The following NUGGC variants were observed in gnomAD, a reference collection of about 807,000 sequenced individuals.
NUGGC encodes nuclear GTPase, germinal center associated.
A neutral mutation model predicts 92.6 loss-of-function variants in NUGGC; 58 were observed. The observed-to-expected ratio is 0.63, with a 90% CI of 0.51 to 0.78. The LOEUF is 0.78. NUGGC is among the 30% of genes least tolerant of loss of function. The pLI is 0.00. For missense variants in NUGGC, 925 were observed against 964.6 expected, an observed-to-expected ratio of 0.96 and a Z score of 0.54; for synonymous variants, 376 against 366.4, an observed-to-expected ratio of 1.03 and a Z score of -0.30.
chr8:28,039,758 CG>C (rs1241729164), intron 13 of NUGGC, among the ~76,000 whole-genome samples: 1 of 152,154 alleles, frequency 6.6e-6, no homozygotes, highest in African/African-American at 2.4e-5. Flanking sequence ...TCTCCCAGCA[CG>C]GGGGGACACC....
At chr8:28,077,942 T>C (rs1563234346) in intron 1 of NUGGC, among the ~76,000 whole-genome samples, 2 of 152,216 alleles carry the variant, frequency 1.3e-5, no homozygotes, top group African/African-American at 2.4e-5. Flanking sequence ...GAAGCAGCTG[T>C]GGTCACTGAA....
At position 28,068,182 on chromosome 8, in the gene NUGGC, AAGGG is replaced by A. The variant is rs545291099; in HGVS notation, c.480+30_480+33del. The A allele has an allele frequency of 5.5e-4, 710 of 1,293,068 alleles. 4 individuals are homozygous for A. The African/African-American group carries it at 9.6e-3, about 17-fold the overall frequency. 80.1% of individuals were successfully genotyped at this position (1,293,068 alleles called of 1,614,324 possible). A position where few individuals can be genotyped will look rare whatever the true frequency, so the allele number is the denominator to read the frequency against. ...GGAAGAAAGGAAGGAAAAAGGAAGG[AAGGG>A]AAGGAAGGAGGGAGGAAGGGAACAC... On this transcript the variant is annotated intron_variant, in intron 5 of 18. Transcript: ENST00000413272.
intron 6 of NUGGC, 42 bp from the exon 7 acceptor site, chr8:28,064,773 C>T: frequency 6.5e-7 from 1 of 1,544,854 alleles, no homozygotes; most frequent in Non-Finnish European, 8.9e-7. Flanking sequence ...GCCATGCACC[C>T]AGCTCTGTTC....
chr8:28,049,069 G>A (rs1250537457), intron 10 of NUGGC, among the ~76,000 whole-genome samples: 1 of 152,122 alleles, frequency 6.6e-6, no homozygotes, highest in African/African-American at 2.4e-5. Context: ...GAGGGAGGTA[G>A]AAAGCAGTGA....
intron 2 of NUGGC, among the ~76,000 whole-genome samples, chr8:28,072,200 C>T (rs146005662): frequency 9.1e-4 from 139 of 152,326 alleles, no homozygotes; most frequent in Middle Eastern, 3.4e-3. Context: ...TCGACCCTTC[C>T]CTCTCAGACA....
chr8:28,037,581 G>A lies in NUGGC; in HGVS notation c.1611+3470C>T, dbSNP rs116040508. On this transcript the variant is annotated intron_variant, in intron 13 of 18. Coordinates refer to ENST00000413272, the MANE Select transcript of NUGGC (RefSeq NM_001010906.2). ...GCCTCCCTAGTCCTTCTCTTCTGGA[G>A]AAAATGAACTCTACTCCTGCCTCCA... 5.8e-3 allele frequency among the ~76,000 whole-genome samples: 890 copies of A among 152,262 alleles called. 11 individuals are homozygous for A. Among genetic ancestry groups the A allele is most frequent in the African/African-American group, 0.018 (755 of 41,534 alleles).
chr8:28,054,554 T>C (rs1810085425), intron 10 of NUGGC, among the ~76,000 whole-genome samples: 1 of 152,004 alleles, frequency 6.6e-6, no homozygotes, highest in Non-Finnish European at 1.5e-5. Context: ...AGTGATAAAA[T>C]AGTAAAAATA....
intron 13 of NUGGC, among the ~76,000 whole-genome samples, chr8:28,035,094 G>C (rs1301676787): frequency 1.3e-5 from 2 of 152,162 alleles, no homozygotes; most frequent in Non-Finnish European, 2.9e-5. Flanking sequence ...TAAAGTCCTG[G>C]AGACGCTCGA....
chr8:28,030,107 G>A (rs1452735210), intron 16 of NUGGC, among the ~76,000 whole-genome samples: 1 of 152,192 alleles, frequency 6.6e-6, no homozygotes, highest in Non-Finnish European at 1.5e-5. Flanking sequence ...TCTGGACCAA[G>A]GGTAGACAGA....
At chr8:28,071,524 G>A (rs1305628391) in intron 2 of NUGGC, among the ~76,000 whole-genome samples, 2 of 152,180 alleles carry the variant, frequency 1.3e-5, no homozygotes, top group Non-Finnish European at 2.9e-5. Flanking sequence ...GGAGACATCA[G>A]CAGTTGCTTC....
intron 11 of NUGGC, among the ~76,000 whole-genome samples, chr8:28,046,569 A>G (rs1214597713): frequency 3.3e-5 from 5 of 152,192 alleles, no homozygotes; most frequent in African/African-American, 1.2e-4. Context: ...GTGAAGAAAG[A>G]GCCATGCCTT....
intron 10 of NUGGC, among the ~76,000 whole-genome samples, chr8:28,055,415 G>A (rs1007110541): frequency 6.6e-6 from 1 of 152,144 alleles, no homozygotes; most frequent in African/African-American, 2.4e-5. Flanking sequence ...AGACTCACCT[G>A]GGCCTACTCC....
At chr8:28,067,852 G>C (rs1810481308) in intron 5 of NUGGC, 108 bp from the exon 6 acceptor site, 1 of 800,880 alleles carries the variant, frequency 1.2e-6, no homozygotes, top group South Asian at 1.7e-5. Flanking sequence ...TGCATATTCA[G>C]AAAATCTAGG....
intron 5 of NUGGC, among the ~76,000 whole-genome samples, 192 bp downstream of exon 5, chr8:28,068,024 T>G (rs1810486336): frequency 6.7e-6 from 1 of 149,534 alleles, no homozygotes; most frequent in South Asian, 2.1e-4. Flanking sequence ...AGGAATATAA[T>G]GTTATCTCTG....
At chr8:28,053,519 T>C (rs1331942257) in intron 10 of NUGGC, among the ~76,000 whole-genome samples, 1 of 151,790 alleles carries the variant, frequency 6.6e-6, no homozygotes, top group African/African-American at 2.4e-5. Context: ...CGGCATGTAG[T>C]ACAAGTAAAG....
chr8:28,039,650 C>T (rs902682461), intron 13 of NUGGC, among the ~76,000 whole-genome samples: 3 of 152,196 alleles, frequency 2.0e-5, no homozygotes, highest in Non-Finnish European at 2.9e-5. Context: ...AGGAAGCCAA[C>T]CACCCCATCA....
chr8:28,051,355 C>A (rs1025209795), intron 10 of NUGGC, among the ~76,000 whole-genome samples: 4 of 152,116 alleles, frequency 2.6e-5, no homozygotes, highest in Non-Finnish European at 5.9e-5. Flanking sequence ...CACAATAGTT[C>A]TGTGAAAAGC....
rs575081420 is a variant in NUGGC, at chr8:28,083,468, T to C, written c.-47+307A>G. ...CAGCTAAGAGGAGCCTAAGGGAACA[T>C]AACTAAATATAATGTGCTATCCTGA... On this transcript the variant is annotated intron_variant, in intron 1 of 18. Coordinates refer to ENST00000413272, the MANE Select transcript of NUGGC (RefSeq NM_001010906.2). Among the ~76,000 whole-genome samples, 24 of 152,252 alleles carry C rather than the reference T, an allele frequency of 1.6e-4. No homozygotes were observed. In the South Asian group the frequency reaches 4.4e-3, roughly 28 times the overall value.
rs7817068 is a variant in NUGGC, at chr8:28,030,296, T to C, written c.2017+14A>G. 0.16 allele frequency: 231,583 copies of C among 1,430,294 alleles called. 22,133 individuals are homozygous for C. Among genetic ancestry groups the C allele is most frequent in the African/African-American group, 0.41 (29,196 of 70,900 alleles). The allele number at this position is 1,430,294 out of a possible 1,614,324, so 88.6% of individuals were successfully genotyped here. On this transcript the variant is annotated intron_variant, in intron 16 of 18. Coordinates refer to ENST00000413272, the MANE Select transcript of NUGGC (RefSeq NM_001010906.2). ...CCCAGAGCAGGCAGAAATGCTGTCC[T>C]CCGCAGCCCCCACCTTCGTAACAGA... is the stretch of plus-strand genomic sequence containing the variant.
Sources: gnomAD v4.1 joint callset for allele counts (sites outside exome capture counted in the v4.1 genomes callset) on GRCh38, gnomAD v4.1.1 for gene constraint, MANE v1.5 for transcripts, NCBI Gene and HGNC (gene_info 2026-07-23, HGNC 2026-07-21) for gene names.